Variants in GTPBP6 observed in about 807,000 individuals in gnomAD.
The protein encoded by GTPBP6 is GTP binding protein 6.
A neutral mutation model predicts 28.9 loss-of-function variants in GTPBP6; 33 were observed. That is an observed-to-expected ratio of 1.14 (90% confidence interval 0.87 to 1.53). The LOEUF (loss-of-function observed/expected upper bound fraction) is 1.53. GTPBP6 is among the 40% of genes most tolerant of loss of function. The pLI, the probability that GTPBP6 is intolerant of heterozygous loss-of-function variation, is 0.00. For synonymous variants in GTPBP6, 231 were observed against 192.7 expected, an observed-to-expected ratio of 1.20 and a Z score of -1.65; for missense variants, 507 against 408.3, an observed-to-expected ratio of 1.24 and a Z score of -2.08.
chrX:314,118 C>G, intron 5 of GTPBP6, 32 bp downstream of exon 5: 1 of 1,562,554 alleles, frequency 6.4e-7, no homozygotes, highest in South Asian at 1.1e-5. Context: ...ATTCCGAGGA[C>G]CCTCTGGGAC....
Position 305,373 on chromosome X carries a change from G to A in GTPBP6, c.1428-176C>T, listed in dbSNP as rs745357383. Among the ~76,000 whole-genome samples the A allele has an allele frequency of 1.1e-4, 16 of 150,052 alleles. 1 individual carries two copies. Among genetic ancestry groups the A allele is most frequent in the Admixed American group, 5.3e-4 (8 of 15,084 alleles). On this transcript the variant is annotated intron_variant, in intron 9 of 9. Coordinates refer to ENST00000326153, the Ensembl canonical transcript of GTPBP6. The stretch of plus-strand genomic sequence containing the variant: ...GTCTCACTCTGTCGCGTAGGCTGGA[G>A]TGCAGTGGCGCGATCTCAGCTCACT...
intron 9 of GTPBP6, among the ~76,000 whole-genome samples, chrX:306,635 GTC>G (rs1451836853): frequency 2.0e-5 from 3 of 147,956 alleles, no homozygotes; most frequent in Non-Finnish European, 4.5e-5. Context: ...CATTTTGACT[GTC>G]AGCACAGATT....
At position 315,318 on chromosome X, in the gene GTPBP6, C is replaced by T; in HGVS notation, c.488-19G>A. ...ATCTTTTCTAACAGAAAGAGGGGGTCCCGTCAGAGGCTGGCCGTCCACACC... is the reference window on the plus strand; with the variant it reads ...ATCTTTTCTAACAGAAAGAGGGGGTTCCGTCAGAGGCTGGCCGTCCACACC... On this transcript the variant is annotated intron_variant, in intron 2 of 9. Coordinates refer to ENST00000326153, the Ensembl canonical transcript of GTPBP6. The T allele has an allele frequency of 2.5e-6, 1 of 398,472 alleles. No individual in the cohort carries two copies. The highest frequency in any genetic ancestry group is 4.4e-6 in the Non-Finnish European group (1 of 225,992). The allele number at this position is 398,472 out of a possible 1,614,324, so 24.7% of individuals were successfully genotyped here.
chrX:308,759 G>T (rs769901986), intron 7 of GTPBP6, among the ~76,000 whole-genome samples: 12 of 131,110 alleles, frequency 9.2e-5, no homozygotes, highest in African/African-American at 2.9e-4. Context: ...TTTTTGAGAC[G>T]AGTCTCGCTC....
intron 5 of GTPBP6, 21 bp from the exon 6 acceptor site, chrX:312,945 T>C (rs1482519354): frequency 6.2e-7 from 1 of 1,601,058 alleles, no homozygotes; most frequent in East Asian, 2.2e-5. Flanking sequence ...CCCGAGATGG[T>C]GAGGCGGTGA....
At chrX:318,303 C>A (rs1463660899) in intron 1 of GTPBP6, 136 bp downstream of exon 1, 4 of 396,074 alleles carry the variant, frequency 1.0e-5, no homozygotes, top group Non-Finnish European at 1.8e-5. Context: ...CAGAACCCCG[C>A]CCCTGAATCT....
At chrX:314,692 G>A (rs2070395566) in intron 4 of GTPBP6, among the ~76,000 whole-genome samples, 198 bp downstream of exon 4, 1 of 152,008 alleles carries the variant, frequency 6.6e-6, no homozygotes, top group South Asian at 2.1e-4. Context: ...TGGCCAGGAT[G>A]GTCTCGATCT....
chrX:314,711 C>G, intron 4 of GTPBP6, among the ~76,000 whole-genome samples, 179 bp downstream of exon 4: 1 of 151,902 alleles, frequency 6.6e-6, no homozygotes, highest in East Asian at 2.0e-4. Context: ...CTCGTGACCT[C>G]GTGATCCGCC....
In GTPBP6 at chrX:307,236, G is replaced by A. The variant is rs185945905; in HGVS notation, c.1427+124C>T. 3.0e-5 allele frequency: 25 copies of A among 828,016 alleles called. No homozygotes were observed. The East Asian group carries it at 5.0e-4, about 17-fold the overall frequency. 51.3% of individuals were successfully genotyped at this position (828,016 alleles called of 1,614,324 possible). A position where few individuals can be genotyped will look rare whatever the true frequency, so the allele number is the denominator to read the frequency against. On this transcript the variant is annotated intron_variant, in intron 9 of 9. Coordinates refer to ENST00000326153, the Ensembl canonical transcript of GTPBP6. ...CATTTGATGCAAACCCATTCATCTC[G>A]TCTGTACATCCTAAAGCTCTCGGGG...
At chrX:308,865 AG>A (rs112335807) in intron 7 of GTPBP6, among the ~76,000 whole-genome samples, 4,776 of 150,620 alleles carry the variant, frequency 0.032, 222 homozygotes, top group African/African-American at 0.11. Flanking sequence ...TCTCTTGAGT[AG>A]CTGGGACTAC....
chrX:314,814 C>G (rs2070399144), intron 4 of GTPBP6, 76 bp downstream of exon 4: 1 of 406,748 alleles, frequency 2.5e-6, no homozygotes, highest in Non-Finnish European at 4.3e-6. Context: ...CCCAGAACGC[C>G]CTACAGGTGA....
chrX:313,646 T>C (rs62580115), intron 5 of GTPBP6, among the ~76,000 whole-genome samples: 139,948 of 152,218 alleles, frequency 0.92, 64,469 homozygotes, highest in East Asian at 1. Flanking sequence ...ATAAATGCAA[T>C]GACATGTGTC....
Position 308,386 on chromosome X carries a change from C to T in GTPBP6, c.1126-506G>A, listed in dbSNP as rs375313125. Among the ~76,000 whole-genome samples, 21 of 152,244 alleles carry T rather than the reference C, an allele frequency of 1.4e-4. 1 individual carries two copies. The highest frequency in any genetic ancestry group is 4.3e-4 in the African/African-American group (18 of 41,538). On this transcript the variant is annotated intron_variant, in intron 7 of 9. Transcript: ENST00000326153. ...CCAACTTATACTACCGGGGTATCCACGTCTACTTTTTGTTTGTTTGGATGC... is the reference window on the plus strand; with the variant it reads ...CCAACTTATACTACCGGGGTATCCATGTCTACTTTTTGTTTGTTTGGATGC...
exon 10 of GTPBP6, chrX:304,894 G>A: frequency 1.4e-6 from 2 of 1,444,918 alleles, no homozygotes; most frequent in South Asian, 3.0e-5. Flanking sequence ...TTTGGGGCAG[G>A]TGCGGCCGTG....
At chrX:318,345 C>G in intron 1 of GTPBP6, 94 bp downstream of exon 1, 2 of 394,342 alleles carry the variant, frequency 5.1e-6, no homozygotes, top group East Asian at 7.2e-5. Context: ...CAGAGCCCCG[C>G]CCCTGAATCT....
At chrX:305,055 G>C (rs370546265) in exon 10 of GTPBP6, 13 of 1,610,708 alleles carry the variant, frequency 8.1e-6, no homozygotes, top group Non-Finnish European at 1.1e-5. Flanking sequence ...CCACCCCGCA[G>C]GCCTCTGTGG....
chrX:305,800 A>ATTTTTTTTTTTTTT (rs2070149957), intron 9 of GTPBP6, among the ~76,000 whole-genome samples: 1 of 131,812 alleles, frequency 7.6e-6, no homozygotes, highest in African/African-American at 3.0e-5. Context: ...AATTTTTTGT[A>ATTTTTTTTTTTTTT]TTTTTATTAG....
intron 8 of GTPBP6, 106 bp from the exon 9 acceptor site, chrX:307,618 CCT>C (rs1347936103): frequency 9.8e-6 from 14 of 1,435,764 alleles, no homozygotes; most frequent in East Asian, 7.3e-5. Context: ...GGGGCCACTC[CCT>C]GTGTCCTGAC....
rs186106090 is a variant in GTPBP6 at position 313,105 on chromosome X, G to A, written c.758-181C>T. ...GTTCCATGAGAAAGGGCTCTGCTCG[G>A]CGGAACGGGATCTCGCCTCCGGGTG... On this transcript the variant is annotated intron_variant, in intron 5 of 9. Coordinates refer to ENST00000326153, the Ensembl canonical transcript of GTPBP6. Among the ~76,000 whole-genome samples, 21 of 152,348 alleles carry A rather than the reference G, an allele frequency of 1.4e-4. No individual in the cohort carries two copies. The East Asian group carries it at 4.1e-3, about 29-fold the overall frequency.
Sources: allele counts gnomAD v4.1 joint callset (sites outside exome capture counted in the v4.1 genomes callset), GRCh38; gene constraint gnomAD v4.1.1; transcripts MANE v1.5; gene names NCBI Gene and HGNC (gene_info 2026-07-23, HGNC 2026-07-21).